The following TAF8 variants were observed in gnomAD, a reference collection of about 807,000 sequenced individuals.
TAF8 encodes TATA-box binding protein associated factor 8.
In TAF8, 47 loss-of-function variants were observed where a neutral mutation model predicts 36.5. The ratio of observed to expected loss-of-function variants is 1.29; its 90% CI spans 1.02 to 1.64. The LOEUF is 1.64. Among genes scored for constraint, TAF8 ranks in the 40% most tolerant of loss-of-function variants. The pLI, the probability that TAF8 is intolerant of heterozygous loss-of-function variation, is 0.00. For missense variants in TAF8, 420 were observed against 407.6 expected, an observed-to-expected ratio of 1.03 and a Z score of -0.26; for synonymous variants, 175 against 159.5, an observed-to-expected ratio of 1.10 and a Z score of -0.73.
At chr6:42,086,620 C>T (rs947144086), downstream of TAF8, 3 of 1,174,148 alleles carry the variant, frequency 2.6e-6, no homozygotes, top group African/African-American at 4.6e-5. Flanking sequence ...TCTGCGGCAC[C>T]CCCTCTCCAA....
intron 5 of TAF8, among the ~76,000 whole-genome samples, chr6:42,058,377 C>T (rs180724620): frequency 1.8e-4 from 28 of 152,194 alleles, no homozygotes; most frequent in African/African-American, 5.8e-4. Flanking sequence ...AAGACTCTGT[C>T]TCAAAAAGAA....
chr6:42,070,593 C>G (rs1465669919), intron 7 of TAF8, among the ~76,000 whole-genome samples: 2 of 152,206 alleles, frequency 1.3e-5, no homozygotes, highest in Non-Finnish European at 2.9e-5. Context: ...CTAGGCAGTG[C>G]AAATATTGAA....
chr6:42,058,326 G>A (rs1187152937), intron 5 of TAF8, among the ~76,000 whole-genome samples: 1 of 152,176 alleles, frequency 6.6e-6, no homozygotes, highest in Non-Finnish European at 1.5e-5. Context: ...GTTGCAGTGA[G>A]CTGAGATTGC....
Position 42,068,541 on chromosome 6 carries a change from A to G in TAF8, c.714A>G (p.Glu238=). 1 of 1,614,082 alleles carries G rather than the reference A, an allele frequency of 6.2e-7. No individual in the cohort carries two copies. Among genetic ancestry groups the G allele is most frequent in the Non-Finnish European group, 8.5e-7 (1 of 1,179,994 alleles). The change falls in exon 7 of 9, where the codon GAA becomes GAG. Residue 238 remains glutamate, a synonymous_variant. Transcript: ENST00000372977. ...CTGAACTGGAGATGCAACAAATGGA[A>G]GAGACAGATTCCTCGGAGCAGGATG... The part of the protein sequence containing the change: ...LPSELEMQQM[E]ETDSSEQDEQ...
chr6:42,053,054 G>A (rs1764852653), intron 2 of TAF8, among the ~76,000 whole-genome samples: 1 of 152,092 alleles, frequency 6.6e-6, no homozygotes, highest in South Asian at 2.1e-4. Context: ...CAATCATTGT[G>A]GCTTCAGAAC....
At position 42,050,601 on chromosome 6, in the gene TAF8, C is replaced by T. The variant is rs532873638; in HGVS notation, c.45+15C>T. Reference sequence around the variant, plus strand: ...GCTCCGGAACGGTAAGGGCAGGAAGCGCGGGCTCGGAGCCGAGAGAGTTTG... The same window carrying T: ...GCTCCGGAACGGTAAGGGCAGGAAGTGCGGGCTCGGAGCCGAGAGAGTTTG... On this transcript the variant is annotated intron_variant, in intron 1 of 8. Transcript: ENST00000372977. The T allele has an allele frequency of 2.7e-5, 42 of 1,546,536 alleles. No homozygotes were observed. Among genetic ancestry groups the T allele is most frequent in the African/African-American group, 1.1e-4 (8 of 72,900 alleles).
In TAF8 at chr6:42,081,024, T is replaced by G; in HGVS notation, c.*3479T>G. ...CCTGGGAACTTAGTAAAACTTTTATTTTGGAAATTTTCAAATACAAAATTA... is the reference window on the plus strand; with the variant it reads ...CCTGGGAACTTAGTAAAACTTTTATGTTGGAAATTTTCAAATACAAAATTA... On this transcript the variant is annotated 3_prime_UTR_variant, in exon 9 of 9. Transcript: ENST00000372977. 1 of 966,882 alleles carries G rather than the reference T, an allele frequency of 1.0e-6. No homozygotes were observed. Among genetic ancestry groups the G allele is most frequent in the African/African-American group, 1.8e-5 (1 of 56,908 alleles). 59.9% of individuals were successfully genotyped at this position (966,882 alleles called of 1,614,324 possible).
chr6:42,074,604 G>A (rs941154743), intron 7 of TAF8, among the ~76,000 whole-genome samples: 2 of 152,132 alleles, frequency 1.3e-5, no homozygotes, highest in Non-Finnish European at 2.9e-5. Context: ...GCACAATCTC[G>A]GCTCACTGCA....
intron 6 of TAF8, among the ~76,000 whole-genome samples, chr6:42,067,671 G>T (rs1301434344): frequency 6.6e-6 from 1 of 152,036 alleles, no homozygotes; most frequent in Non-Finnish European, 1.5e-5. Context: ...GGACTCAAAT[G>T]AGTCTCCCAC....
rs985963687 is a variant in TAF8, at chr6:42,079,416, C to T, written c.*1871C>T. 5 of 985,312 alleles carry T rather than the reference C, an allele frequency of 5.1e-6. No homozygotes were observed. The highest frequency in any genetic ancestry group is 1.2e-4 in the Admixed American group (2 of 16,256). The allele number at this position is 985,312 out of a possible 1,614,324, so 61.0% of individuals were successfully genotyped here. A position where few individuals can be genotyped will look rare whatever the true frequency, so the allele number is the denominator to read the frequency against. On this transcript the variant is annotated 3_prime_UTR_variant, in exon 9 of 9. Transcript: ENST00000372977. ...TGGGCATGCTGATAGCTTTTCTGGTCTCCTAAGGAAGAGTTTTTAAAACTA... is the reference window on the plus strand; with the variant it reads ...TGGGCATGCTGATAGCTTTTCTGGTTTCCTAAGGAAGAGTTTTTAAAACTA...
At chr6:42,052,230 A>G (rs1045085231) in intron 2 of TAF8, among the ~76,000 whole-genome samples, 3 of 151,958 alleles carry the variant, frequency 2.0e-5, no homozygotes, top group Non-Finnish European at 2.9e-5. Context: ...TTTGTTGGGG[A>G]GTCAGGACTA....
Position 42,082,716 on chromosome 6 carries a change from C to T in TAF8, c.*5171C>T, listed in dbSNP as rs546230531. ...GGTCCATCTAGGTGGTTGTGTGTATCAGTAGTTCCTTTCTTTTTATTGCTG... is the reference window on the plus strand; with the variant it reads ...GGTCCATCTAGGTGGTTGTGTGTATTAGTAGTTCCTTTCTTTTTATTGCTG... On this transcript the variant is annotated 3_prime_UTR_variant, in exon 9 of 9. Coordinates refer to ENST00000372977, the MANE Select transcript of TAF8 (RefSeq NM_138572.3). 2.0e-5 allele frequency: 3 copies of T among 152,310 alleles called. No homozygotes were observed. Among genetic ancestry groups the T allele is most frequent in the Admixed American group, 6.5e-5 (1 of 15,294 alleles). The allele number at this position is 152,310 out of a possible 1,614,324, so 9.4% of individuals were successfully genotyped here. A position where few individuals can be genotyped will look rare whatever the true frequency, so the allele number is the denominator to read the frequency against.
In TAF8 at chr6:42,077,228, C is replaced by G; in HGVS notation, c.909C>G (p.Ile303Met). 1 of 1,613,026 alleles carries G rather than the reference C, an allele frequency of 6.2e-7. No homozygotes were observed. The highest frequency in any genetic ancestry group is 1.3e-5 in the African/African-American group (1 of 75,028). ...TGCGGCCGGTGAAGAAGCCCAAGAT[C>G]CGCAGGAAGAAGTGAGTTGGAGGCT... ...PYLRPVKKPK[I>M]RRKKSLS Residue 303 changes from isoleucine to methionine, a missense_variant, in exon 8 of 9, where the codon ATC becomes ATG. Transcript: ENST00000372977.
chr6:42,067,155 A>G (rs1765394122), intron 6 of TAF8, among the ~76,000 whole-genome samples: 1 of 152,244 alleles, frequency 6.6e-6, no homozygotes, highest in African/African-American at 2.4e-5. Context: ...GCTAGTAGAC[A>G]TCATTCAAAC....
At chr6:42,084,347 A>G (rs969372090), downstream of TAF8, among the ~76,000 whole-genome samples, 8 of 152,282 alleles carry the variant, frequency 5.3e-5, no homozygotes, top group South Asian at 2.1e-4. Flanking sequence ...GGTGCTAAGC[A>G]CTTCACATAA....
intron 5 of TAF8, chr6:42,063,609 T>G (rs1376324121): frequency 2.0e-5 from 3 of 152,164 alleles, no homozygotes; most frequent in Admixed American, 1.3e-4. Flanking sequence ...TTGTTGTTCT[T>G]GTTTGTTTTG....
chr6:42,052,545 C>T (rs561229720), intron 2 of TAF8, among the ~76,000 whole-genome samples: 2 of 152,340 alleles, frequency 1.3e-5, no homozygotes, highest in South Asian at 2.1e-4. Flanking sequence ...TGGTCTTGAA[C>T]TCCTGACCTC....
intron 7 of TAF8, among the ~76,000 whole-genome samples, chr6:42,071,955 G>A (rs1322232382): frequency 2.6e-5 from 4 of 152,288 alleles, no homozygotes; most frequent in African/African-American, 4.8e-5. Flanking sequence ...ATACCATGAG[G>A]CCAAGCCAGG....
intron 5 of TAF8, among the ~76,000 whole-genome samples, chr6:42,065,484 G>C (rs1033860906): frequency 2.6e-5 from 4 of 152,192 alleles, no homozygotes; most frequent in Admixed American, 2.6e-4. Flanking sequence ...TTGGTCACTT[G>C]CACGTATAAT....
Sources: allele counts gnomAD v4.1 joint callset (sites outside exome capture counted in the v4.1 genomes callset), GRCh38; gene constraint gnomAD v4.1.1; transcripts MANE v1.5; gene names NCBI Gene and HGNC (gene_info 2026-07-23, HGNC 2026-07-21).